COL5A1: variants seen among roughly 807,000 people sequenced by gnomAD.
COL5A1 encodes the protein collagen type V alpha 1 chain.
Under a neutral mutation model 263.7 loss-of-function variants are expected in COL5A1, and 16 were observed. That is an observed-to-expected ratio of 0.06 (90% CI 0.04 to 0.09). The LOEUF (loss-of-function observed/expected upper bound fraction) is 0.09. Among genes scored for constraint, COL5A1 ranks in the 10% least tolerant of loss-of-function variants. COL5A1 has a pLI of 1.00. For synonymous variants in COL5A1, 1,012 were observed against 1,004.5 expected, an observed-to-expected ratio of 1.01 and a Z score of -0.14; for missense variants, 2,036 against 2,540.5, an observed-to-expected ratio of 0.80 and a Z score of 4.27.
intron 26 of COL5A1, 46 bp downstream of exon 26, chr9:134,772,880 C>G: frequency 6.3e-7 from 1 of 1,591,094 alleles, no homozygotes; most frequent in East Asian, 2.2e-5. Flanking sequence ...CCAGGTGGGG[C>G]GGGTCCAGGT....
At chr9:134,673,355 CA>C (rs1832594833) in intron 1 of COL5A1, among the ~76,000 whole-genome samples, 2 of 151,392 alleles carry the variant, frequency 1.3e-5, no homozygotes, top group South Asian at 4.2e-4. Context: ...AATAGACTCA[CA>C]TGTAAATAAT....
At position 134,824,705 on chromosome 9, in the gene COL5A1, G is replaced by A. The variant is rs201771867; in HGVS notation, c.4804G>A (p.Val1602Met). Residue 1602 changes from valine (V) to methionine (M), a missense_variant, in exon 62 of 66, where the codon GTG (valine) becomes ATG (methionine). This residue lies in a region of COL5A1 where 358 missense variants were observed against 384.6 expected (regional missense o/e 0.93). Transcript: ENST00000371817. ...LLDDGNGENY[V>M]DYADGMEEIF... ...GGACGACGGGAATGGCGAGAACTAC[G>A]TGGACTACGCGGACGGCATGGAAGA... 56 of 1,614,210 alleles carry A rather than the reference G, an allele frequency of 3.5e-5. No homozygotes were observed. Among genetic ancestry groups the A allele is most frequent in the African/African-American group, 4.0e-5 (3 of 75,056 alleles).
rs538931681 is a variant in COL5A1, at chr9:134,781,029, T to C, written c.2430+883T>C. ...GCCACGGCGGCCTGCGGGGCTGGAG[T>C]GCGGGTGCTGGCGTGATGGTCCACG... On this transcript the variant is annotated intron_variant, in intron 28 of 65. Transcript: ENST00000371817. Among the ~76,000 whole-genome samples, 29 of 152,192 alleles carry C rather than the reference T, an allele frequency of 1.9e-4. No homozygotes were observed. The East Asian group carries it at 2.9e-3, about 15-fold the overall frequency.
intron 25 of COL5A1, among the ~76,000 whole-genome samples, chr9:134,772,445 G>A (rs562610133): frequency 3.3e-5 from 5 of 152,376 alleles, no homozygotes; most frequent in African/African-American, 1.2e-4. Context: ...CTGGAGGGCG[G>A]GCTGGCTCTG....
chr9:134,729,806 G>A (rs1024105460), intron 6 of COL5A1, among the ~76,000 whole-genome samples: 28 of 146,204 alleles, frequency 1.9e-4, no homozygotes, highest in African/African-American at 7.1e-4. Context: ...GCGTGTGTGA[G>A]CGTGTGTGCA....
chr9:134,642,313 G>A lies in COL5A1; in HGVS notation c.109+17G>A, dbSNP rs1184842926. The stretch of plus-strand genomic sequence containing the variant: ...GCCGCGCAGGTAAGGGCGCCCCGGG[G>A]CGCGGGGCTGCGGGATGGGGCGCGC... On this transcript the variant is annotated intron_variant, in intron 1 of 65. Transcript: ENST00000371817. The surrounding 1 kb of genome is among the most constrained non-coding windows in gnomAD (Gnocchi z 4.5). 2.4e-6 allele frequency: 2 copies of A among 824,456 alleles called. No homozygotes were observed. The highest frequency in any genetic ancestry group is 3.1e-6 in the Non-Finnish European group (2 of 639,822). The allele number at this position is 824,456 out of a possible 1,614,324, so 51.1% of individuals were successfully genotyped here. A position where few individuals can be genotyped will look rare whatever the true frequency, so the allele number is the denominator to read the frequency against.
intron 64 of COL5A1, among the ~76,000 whole-genome samples, chr9:134,834,219 G>A (rs1375052844): frequency 1.3e-5 from 2 of 152,158 alleles, no homozygotes; most frequent in Non-Finnish European, 2.9e-5. Context: ...ACCAGGGCTC[G>A]CCTGCTGCTC....
chr9:134,707,719 C>T (rs1564401286), intron 4 of COL5A1, among the ~76,000 whole-genome samples: 2 of 152,342 alleles, frequency 1.3e-5, no homozygotes, highest in South Asian at 4.1e-4. Context: ...CCTTCCAGAA[C>T]TACCTTGTTG....
At position 134,785,989 on chromosome 9, in the gene COL5A1, C is replaced by T; in HGVS notation, c.2593-6C>T. 1 of 1,612,830 alleles carries T rather than the reference C, an allele frequency of 6.2e-7. No homozygotes were observed. The highest frequency in any genetic ancestry group is 1.1e-5 in the South Asian group (1 of 90,868). ...TGGCCATTAATGCAACTCTTTCTTC[C>T]CCCAGGGAAAACTCGGAGTCCCAGG... On this transcript the variant is annotated splice_polypyrimidine_tract_variant and splice_region_variant and intron_variant, in intron 30 of 65. Transcript: ENST00000371817.
chr9:134,841,495 C>T lies in COL5A1; in HGVS notation c.5371-662C>T, dbSNP rs192355369. Among the ~76,000 whole-genome samples, 148 of 152,290 alleles carry T rather than the reference C, an allele frequency of 9.7e-4. No individual in the cohort carries two copies. The highest frequency in any genetic ancestry group is 3.4e-3 in the African/African-American group (143 of 41,560). ...GAGCAAGGGATGGGTGCTGACTCAT[C>T]CTGCAGGCCAGGTTCATTGCACTAC... On this transcript the variant is annotated intron_variant, in intron 65 of 65. Coordinates refer to ENST00000371817, the MANE Select transcript of COL5A1 (RefSeq NM_000093.5). This position sits in a 1 kb window ranked among gnomAD's most constrained non-coding sequence, Gnocchi z 4.8.
chr9:134,739,257 C>G (rs1038712775), intron 11 of COL5A1, among the ~76,000 whole-genome samples: 7 of 152,228 alleles, frequency 4.6e-5, no homozygotes, highest in Admixed American at 2.6e-4. Context: ...TGTCCCTCGC[C>G]GCGGGAGGAG....
intron 27 of COL5A1, among the ~76,000 whole-genome samples, chr9:134,775,265 G>A (rs577442032): frequency 3.4e-4 from 52 of 152,324 alleles, no homozygotes; most frequent in Middle Eastern, 3.4e-3. Flanking sequence ...CACTCTCCTC[G>A]CAGACAGCAG....
At chr9:134,838,085 C>G (rs1839906135) in intron 65 of COL5A1, among the ~76,000 whole-genome samples, 1 of 152,198 alleles carries the variant, frequency 6.6e-6, no homozygotes, top group Non-Finnish European at 1.5e-5. Context: ...TACTATCCGC[C>G]CATCGCCTCC....
chr9:134,683,025 A>G (rs910698467), intron 1 of COL5A1, among the ~76,000 whole-genome samples: 9 of 152,222 alleles, frequency 5.9e-5, no homozygotes, highest in Admixed American at 3.9e-4. Context: ...CCACGGCCTC[A>G]GACCCGGCTT....
chr9:134,679,361 T>TG (rs1832770888), intron 1 of COL5A1, among the ~76,000 whole-genome samples: 1 of 69,170 alleles, frequency 1.4e-5, no homozygotes, highest in South Asian at 5.9e-4. Flanking sequence ...CAGAGCTAGT[T>TG]GGGGGCACTG....
chr9:134,760,823 T>A (rs1021749865), intron 18 of COL5A1, among the ~76,000 whole-genome samples: 9 of 113,398 alleles, frequency 7.9e-5, no homozygotes, highest in Non-Finnish European at 1.2e-4. Context: ...CCCACATGCA[T>A]ACACACATGC....
At chr9:134,838,227 C>T (rs1426333647) in intron 65 of COL5A1, among the ~76,000 whole-genome samples, 1 of 152,226 alleles carries the variant, frequency 6.6e-6, no homozygotes, top group Non-Finnish European at 1.5e-5. Flanking sequence ...TCGGCCTCCA[C>T]CCACTAGATG....
At position 134,786,858 on chromosome 9, in the gene COL5A1, C is replaced by T. The variant is rs567670446; in HGVS notation, c.2646+810C>T. The stretch of plus-strand genomic sequence containing the variant: ...TCTCCTTTTAGCCTCAGCACCTTTT[C>T]GGTCTCACTGGAGCAGTCTTGTTAA... On this transcript the variant is annotated intron_variant, in intron 31 of 65. Coordinates refer to ENST00000371817, the MANE Select transcript of COL5A1 (RefSeq NM_000093.5). Among the ~76,000 whole-genome samples, 27 of 152,330 alleles carry T rather than the reference C, an allele frequency of 1.8e-4. No individual in the cohort carries two copies. In the South Asian group the frequency reaches 4.1e-3, roughly 23 times the overall value.
chr9:134,841,992 A>G lies in COL5A1; in HGVS notation c.5371-165A>G, dbSNP rs554347236. ...CCACCGGGGTTAAATGCATGCTCTG[A>G]TCAGCCATATTTCCTCCAACACTTG... On this transcript the variant is annotated intron_variant, in intron 65 of 65. Transcript: ENST00000371817. This position sits in a 1 kb window ranked among gnomAD's most constrained non-coding sequence, Gnocchi z 4.8. Among the ~76,000 whole-genome samples, 1 of 152,156 alleles carries G rather than the reference A, an allele frequency of 6.6e-6. No individual in the cohort carries two copies. Among genetic ancestry groups the G allele is most frequent in the Non-Finnish European group, 1.5e-5 (1 of 68,006 alleles).
Sources: allele counts gnomAD v4.1 joint callset (sites outside exome capture counted in the v4.1 genomes callset), GRCh38; gene constraint gnomAD v4.1.1; regional missense constraint gnomAD v4.1.1; non-coding constraint Gnocchi (gnomAD v3.1); transcripts MANE v1.5; gene names NCBI Gene and HGNC (gene_info 2026-07-23, HGNC 2026-07-21).